Variants in PRKN observed in about 807,000 individuals in gnomAD.
PRKN encodes parkin RBR E3 ubiquitin protein ligase.
A neutral mutation model predicts 59.5 loss-of-function variants in PRKN; 56 were observed. The observed-to-expected ratio is 0.94, with a 90% confidence interval of 0.76 to 1.18. The LOEUF (loss-of-function observed/expected upper bound fraction) is 1.18. Among genes scored for constraint, PRKN ranks in the 50% most tolerant of loss-of-function variants. PRKN has a pLI of 0.00. For synonymous variants in PRKN, 250 were observed against 222.1 expected (o/e 1.13, Z -1.12); for missense variants, 657 against 596.4 (o/e 1.10, Z -1.06).
At chr6:161,733,927 T>C (rs1032972004) in intron 7 of PRKN, among the ~76,000 whole-genome samples, 1 of 149,720 alleles carries the variant, frequency 6.7e-6, no homozygotes, top group East Asian at 1.9e-4. Context: ...TAAATACTTT[T>C]TAAATGACCT....
At chr6:162,604,083 C>G (rs537936755) in intron 1 of PRKN, among the ~76,000 whole-genome samples, 18 of 152,290 alleles carry the variant, frequency 1.2e-4, no homozygotes, top group Middle Eastern at 3.4e-3. Context: ...GTGAGTTCGA[C>G]CTGAGGACCA....
At chr6:161,897,871 G>A (rs535645391) in intron 6 of PRKN, among the ~76,000 whole-genome samples, 12,776 of 148,652 alleles carry the variant, frequency 0.086, 566 homozygotes, top group South Asian at 0.11. Flanking sequence ...GGAGGCTGAG[G>A]CAGGAGAATG....
Position 161,637,191 on chromosome 6 carries a change from T to C in PRKN, c.872-67775A>G, listed in dbSNP as rs574606967. On this transcript the variant is annotated intron_variant, in intron 7 of 11. Transcript: ENST00000366898. ...GAGGTTTTTCTAAGGTATTCATGCA[T>C]GTAGGAAATGCTTCTGAGGGTCCCT... is the stretch of plus-strand genomic sequence containing the variant. Among the ~76,000 whole-genome samples the C allele has an allele frequency of 3.3e-5, 5 of 152,314 alleles. No individual in the cohort carries two copies. The East Asian group carries it at 9.7e-4, about 29-fold the overall frequency.
intron 2 of PRKN, among the ~76,000 whole-genome samples, chr6:162,364,191 C>T (rs1785298171): frequency 6.6e-6 from 1 of 152,154 alleles, no homozygotes; most frequent in Non-Finnish European, 1.5e-5. Flanking sequence ...TGGTATGATT[C>T]AAGAATATAA....
In PRKN at chr6:162,488,800, T is replaced by G. The variant is rs184964026; in HGVS notation, c.8-45327A>C. Among the ~76,000 whole-genome samples, 406 of 152,320 alleles carry G rather than the reference T, an allele frequency of 2.7e-3. 2 individuals carry two copies. The highest frequency in any genetic ancestry group is 9.4e-3 in the African/African-American group (392 of 41,578). On this transcript the variant is annotated intron_variant, in intron 1 of 11. Transcript: ENST00000366898. Reference sequence around the variant, plus strand: ...TTGACACTAGCCCCTGCCAGGCTCTTGGGCATTAGGAATCCATAGTCAAGC... The same window carrying G: ...TTGACACTAGCCCCTGCCAGGCTCTGGGGCATTAGGAATCCATAGTCAAGC...
intron 6 of PRKN, among the ~76,000 whole-genome samples, chr6:161,808,585 AT>A (rs1791432685): frequency 6.6e-6 from 1 of 152,160 alleles, no homozygotes; most frequent in African/African-American, 2.4e-5. Context: ...TCTTAATATT[AT>A]TTTTGTATTA....
intron 7 of PRKN, among the ~76,000 whole-genome samples, chr6:161,648,384 G>A (rs953239639): frequency 6.6e-6 from 1 of 152,114 alleles, no homozygotes; most frequent in Admixed American, 6.5e-5. Flanking sequence ...TCAATAGATC[G>A]GGGGCAAGGG....
chr6:162,563,675 G>C (rs1380468586), intron 1 of PRKN, among the ~76,000 whole-genome samples: 1 of 152,056 alleles, frequency 6.6e-6, no homozygotes, highest in Non-Finnish European at 1.5e-5. Context: ...ACTAAATAAG[G>C]CACCAGGGAC....
chr6:162,276,439 G>A (rs1583303042), intron 2 of PRKN, among the ~76,000 whole-genome samples: 2 of 151,976 alleles, frequency 1.3e-5, no homozygotes, highest in Non-Finnish European at 2.9e-5. Flanking sequence ...AAGTCACTTG[G>A]AATAATGTGG....
chr6:161,678,657 C>T (rs1283894755), intron 7 of PRKN, among the ~76,000 whole-genome samples: 1 of 150,796 alleles, frequency 6.6e-6, no homozygotes, highest in African/African-American at 2.4e-5. Context: ...CTGCACCTCC[C>T]GGGTTCAAGC....
At position 162,262,506 on chromosome 6, in the gene PRKN, C is replaced by A. The variant is rs550191523; in HGVS notation, c.412+19G>T. ...CAAACAAACAAAATGCTTTAATAATCTTAGAGCATTCCAATTACCTGGACT... is the reference window on the plus strand; with the variant it reads ...CAAACAAACAAAATGCTTTAATAATATTAGAGCATTCCAATTACCTGGACT... On this transcript the variant is annotated intron_variant, in intron 3 of 11. Transcript: ENST00000366898. The A allele has an allele frequency of 6.2e-7, 1 of 1,613,676 alleles. No homozygotes were observed. The highest frequency in any genetic ancestry group is 1.3e-5 in the African/African-American group (1 of 75,012).
intron 7 of PRKN, among the ~76,000 whole-genome samples, chr6:161,682,765 G>T (rs1785414993): frequency 6.6e-6 from 1 of 152,184 alleles, no homozygotes; most frequent in African/African-American, 2.4e-5. Flanking sequence ...CTGGTGGGAA[G>T]CCAGGCGAGA....
At chr6:162,054,600 A>G (rs1465122096) in intron 4 of PRKN, among the ~76,000 whole-genome samples, 1 of 152,146 alleles carries the variant, frequency 6.6e-6, no homozygotes, top group East Asian at 1.9e-4. Context: ...GTCTGTCCCT[A>G]GTCACCACAG....
At chr6:161,823,072 C>T (rs989939381) in intron 6 of PRKN, among the ~76,000 whole-genome samples, 6 of 150,948 alleles carry the variant, frequency 4.0e-5, no homozygotes, top group Non-Finnish European at 5.9e-5. Flanking sequence ...GTAGCTGGGA[C>T]GAGAAGCACA....
At chr6:162,712,423 G>A (rs1002184620) in intron 1 of PRKN, among the ~76,000 whole-genome samples, 2 of 152,172 alleles carry the variant, frequency 1.3e-5, no homozygotes, top group African/African-American at 4.8e-5. Context: ...AAGCTCAGCA[G>A]TCATCATCTG....
chr6:162,426,177 G>A (rs756223189), intron 2 of PRKN, among the ~76,000 whole-genome samples: 3 of 152,108 alleles, frequency 2.0e-5, no homozygotes, highest in Non-Finnish European at 4.4e-5. Flanking sequence ...GTCAGATACC[G>A]CAAATTATAA....
chr6:161,351,128 T>A (rs112242027), intron 11 of PRKN, among the ~76,000 whole-genome samples: 8 of 128,054 alleles, frequency 6.2e-5, no homozygotes, highest in Non-Finnish European at 9.4e-5. Context: ...AAATATATTT[T>A]TATATATTTA....
chr6:161,379,623 C>G lies in PRKN; in HGVS notation c.1167+7171G>C, dbSNP rs1239767965. Among the ~76,000 whole-genome samples, 1 of 152,210 alleles carries G rather than the reference C, an allele frequency of 6.6e-6. No individual in the cohort carries two copies. Among genetic ancestry groups the G allele is most frequent in the African/African-American group, 2.4e-5 (1 of 41,442 alleles). On this transcript the variant is annotated intron_variant, in intron 10 of 11. Transcript: ENST00000366898. This position sits in a 1 kb window ranked among gnomAD's most constrained non-coding sequence, Gnocchi z 4.9. ...CTGAAGAAAGCTGCTTCACCCAAAG[C>G]CTTTCTTCCTTCTGCGGGAAGCCCA...
At chr6:161,957,488 A>G (rs575449337) in intron 6 of PRKN, among the ~76,000 whole-genome samples, 3 of 148,888 alleles carry the variant, frequency 2.0e-5, no homozygotes, top group South Asian at 2.1e-4. Flanking sequence ...GCAGTGGCAC[A>G]ATGTTGGCTA....
Sources: gnomAD v4.1 joint callset for allele counts (sites outside exome capture counted in the v4.1 genomes callset) on GRCh38, gnomAD v4.1.1 for gene constraint, Gnocchi (gnomAD v3.1) non-coding constraint, MANE v1.5 for transcripts, NCBI Gene and HGNC (gene_info 2026-07-23, HGNC 2026-07-21) for gene names.